Variants in IQGAP3 observed in about 807,000 individuals in gnomAD.
The protein encoded by IQGAP3 is ras GTPase-activating-like protein IQGAP3.
Under a neutral mutation model 208.2 loss-of-function variants are expected in IQGAP3, and 165 were observed. The observed-to-expected ratio is 0.79, with a 90% CI of 0.70 to 0.90. The LOEUF is 0.90. Among genes scored for constraint, IQGAP3 ranks in the 40% least tolerant of loss-of-function variants. The pLI is 0.00. For synonymous variants in IQGAP3, 703 were observed against 803.6 expected (o/e 0.87, Z 2.12); for missense variants, 1,811 against 2,043.1 (o/e 0.89, Z 2.19).
At chr1:156,544,503 C>A (rs1476258202) in intron 19 of IQGAP3, 31 bp from the exon 20 acceptor site, 1 of 1,576,052 alleles carries the variant, frequency 6.3e-7, no homozygotes, top group Admixed American at 1.7e-5. Flanking sequence ...GGAAGTAACT[C>A]AAGCAGGTCT....
chr1:156,562,134 C>A, intron 9 of IQGAP3, 133 bp from the exon 10 acceptor site: 1 of 854,688 alleles, frequency 1.2e-6, no homozygotes, highest in Non-Finnish European at 1.8e-6. Flanking sequence ...GGTTCCTGGG[C>A]CCATTTGGTT....
Position 156,572,523 on chromosome 1 carries a change from T to C in IQGAP3, c.7A>G (p.Arg3Gly), listed in dbSNP as rs866328046. 7 of 1,612,648 alleles carry C rather than the reference T, an allele frequency of 4.3e-6. No homozygotes were observed. The highest frequency in any genetic ancestry group is 4.0e-5 in the African/African-American group (3 of 75,032). ME[R>G]RAAGPGWAAY... The stretch of plus-strand genomic sequence containing the variant: ...GCCCAGCCTGGGCCCGCTGCTCTCC[T>C]CTCCATGTTCCTCCTTCTTCCAGGT... Residue 3 changes from arginine (R) to glycine (G), a missense_variant, in exon 1 of 38, where the codon AGG (arginine) becomes GGG (glycine). Physicochemically the swap from Arg to Gly is moderately radical, Grantham distance 125 (BLOSUM62 -2). Coordinates refer to ENST00000361170, the MANE Select transcript of IQGAP3 (RefSeq NM_178229.5).
chr1:156,562,024 T>C, intron 9 of IQGAP3, 23 bp from the exon 10 acceptor site: 6 of 1,580,654 alleles, frequency 3.8e-6, no homozygotes, highest in Non-Finnish European at 5.2e-6. Flanking sequence ...GACTCCATAA[T>C]GGACAGTGTG....
At position 156,535,181 on chromosome 1, in the gene IQGAP3, T is replaced by C. The variant is rs1674634017; in HGVS notation, c.3489A>G (p.Thr1163=). Residue 1163 remains threonine, a synonymous_variant, in exon 28 of 38, where the codon ACA becomes ACG. Coordinates refer to ENST00000361170, the MANE Select transcript of IQGAP3 (RefSeq NM_178229.5). ...ATLAEKFPDA[T]DSEVYKVVGN... ...CACTTGCCTTATAGACCTCGCTGTC[T>C]GTGGCGTCAGGGAATTTCTCTGCCA... 1 of 1,613,552 alleles carries C rather than the reference T, an allele frequency of 6.2e-7. No homozygotes were observed. Among genetic ancestry groups the C allele is most frequent in the South Asian group, 1.1e-5 (1 of 91,050 alleles).
intron 5 of IQGAP3, 123 bp from the exon 6 acceptor site, chr1:156,563,947 C>T: frequency 1.5e-6 from 1 of 687,456 alleles, no homozygotes; most frequent in Non-Finnish European, 2.5e-6. Context: ...CACCTGCCCT[C>T]AAGTCATCCC....
At chr1:156,530,882 G>A (rs942776254) in intron 33 of IQGAP3, among the ~76,000 whole-genome samples, 1 of 152,158 alleles carries the variant, frequency 6.6e-6, no homozygotes, top group Non-Finnish European at 1.5e-5. Context: ...ATTCCCAGAC[G>A]GTCTCTCAGT....
chr1:156,562,448 C>T, intron 9 of IQGAP3, 139 bp downstream of exon 9: 1 of 716,110 alleles, frequency 1.4e-6, no homozygotes, highest in Non-Finnish European at 2.5e-6. Flanking sequence ...TCCTTGGACT[C>T]TGATCTTTCT....
Position 156,548,225 on chromosome 1 carries a change from T to C in IQGAP3, c.2152A>G (p.Thr718Ala), listed in dbSNP as rs763192283. The change falls in exon 19 of 38, where the codon ACT (threonine) becomes GCT (alanine). Residue 718 changes from threonine to alanine, a missense_variant. By Grantham distance (58) the Thr-to-Ala change is moderately conservative. Transcript: ENST00000361170. ...AGCTGTTGGCGGTCATAGGCAGCAG[T>C]GACCTTGGTGACAGCTGACTGTGGA... ...EEIQSAVTKV[T>A]AAYDRQQLWK... The C allele has an allele frequency of 3.7e-6, 6 of 1,613,748 alleles. 1 individual carries two copies. Among genetic ancestry groups the C allele is most frequent in the South Asian group, 3.3e-5 (3 of 91,068 alleles).
chr1:156,526,405 C>T lies in IQGAP3; in HGVS notation c.*81G>A. The T allele has an allele frequency of 1.2e-5, 11 of 924,320 alleles. No homozygotes were observed. Among genetic ancestry groups the T allele is most frequent in the Non-Finnish European group, 1.8e-5 (10 of 563,048 alleles). 57.3% of individuals were successfully genotyped at this position (924,320 alleles called of 1,614,324 possible). A position where few individuals can be genotyped will look rare whatever the true frequency, so the allele number is the denominator to read the frequency against. ...CCCAGTCCTGAGCTCTAGGTGTCTG[C>T]AGGGAAGCACAGTGGTGAGTTAGTG... On this transcript the variant is annotated 3_prime_UTR_variant, in exon 38 of 38. Transcript: ENST00000361170.
chr1:156,562,107 C>A (rs1323897579), intron 9 of IQGAP3, 106 bp from the exon 10 acceptor site: 43 of 1,022,502 alleles, frequency 4.2e-5, no homozygotes, highest in Non-Finnish European at 5.3e-5. Flanking sequence ...CGGAATTACC[C>A]CCACCCTTTC....
At chr1:156,568,256 C>T (rs995199736) in intron 2 of IQGAP3, among the ~76,000 whole-genome samples, 1 of 152,068 alleles carries the variant, frequency 6.6e-6, no homozygotes, top group Admixed American at 6.5e-5. Flanking sequence ...ACTCTTTCAC[C>T]CAGGCTGGAG....
Position 156,564,636 on chromosome 1 carries a change from AC to A in IQGAP3, c.415del (p.Val139SerfsTer27). 2 of 1,613,778 alleles carry A rather than the reference AC, an allele frequency of 1.2e-6. 1 individual carries two copies. The highest frequency in any genetic ancestry group is 2.2e-5 in the South Asian group (2 of 91,068). The stretch of plus-strand genomic sequence containing the variant: ...TCACCTGAGAGCATGGATGCAGTAG[AC>A]TACCCGGGGCATGTTCTTTTTGTCA... ...IYDKKNMPRV[V>X]YCIHALSLFL... is the part of the protein sequence containing the mutation. On this transcript the variant is annotated frameshift_variant, in exon 5 of 38. Coordinates refer to ENST00000361170, the MANE Select transcript of IQGAP3 (RefSeq NM_178229.5). LOFTEE classifies it high-confidence loss of function.
At chr1:156,556,385 A>AGC in intron 12 of IQGAP3, 148 bp downstream of exon 12, 1 of 695,036 alleles carries the variant, frequency 1.4e-6, no homozygotes, top group Non-Finnish European at 2.4e-6. Flanking sequence ...AAATACGCTC[A>AGC]GTAAGGCAGG....
intron 19 of IQGAP3, among the ~76,000 whole-genome samples, chr1:156,545,728 G>A (rs995629006): frequency 3.9e-5 from 6 of 151,954 alleles, no homozygotes; most frequent in African/African-American, 7.3e-5. Context: ...TGAACTCCTC[G>A]GCTCAAGCAA....
chr1:156,560,007 T>C (rs1353511684), intron 11 of IQGAP3, among the ~76,000 whole-genome samples: 1 of 152,174 alleles, frequency 6.6e-6, no homozygotes, highest in African/African-American at 2.4e-5. Flanking sequence ...TGAAAGCTAG[T>C]GAATGTCGGA....
intron 27 of IQGAP3, among the ~76,000 whole-genome samples, chr1:156,536,245 C>T (rs1341224669): frequency 6.6e-6 from 1 of 151,874 alleles, no homozygotes; most frequent in Non-Finnish European, 1.5e-5. Context: ...TGGAGTGAGA[C>T]CCTGTCTTAA....
intron 22 of IQGAP3, 110 bp from the exon 23 acceptor site, chr1:156,541,026 A>G: frequency 1.2e-6 from 1 of 836,142 alleles, no homozygotes; most frequent in Non-Finnish European, 2.0e-6. Context: ...TGGGATCAGC[A>G]GGTCCCCAAC....
intron 15 of IQGAP3, 43 bp from the exon 16 acceptor site, chr1:156,550,394 G>C (rs1343634913): frequency 6.8e-7 from 1 of 1,472,800 alleles, no homozygotes; most frequent in Middle Eastern, 1.7e-4. Context: ...CCCCAAGCTA[G>C]TCTCTCTAGG....
chr1:156,537,112 C>A, intron 27 of IQGAP3, 69 bp downstream of exon 27: 1 of 1,531,444 alleles, frequency 6.5e-7, no homozygotes. Context: ...TCACCCTGCT[C>A]TGCTCCCCAT....
Sources: gnomAD v4.1 joint callset for allele counts (sites outside exome capture counted in the v4.1 genomes callset) on GRCh38, gnomAD v4.1.1 for gene constraint, MANE v1.5 for transcripts, NCBI Gene and HGNC (gene_info 2026-07-23, HGNC 2026-07-21) for gene names.